TBCD: variants seen among roughly 807,000 people sequenced by gnomAD.
The protein encoded by TBCD is tubulin-specific chaperone D.
Under a neutral mutation model 169.3 loss-of-function variants are expected in TBCD, and 105 were observed. That is an observed-to-expected ratio of 0.62 (90% CI 0.53 to 0.73). The LOEUF is 0.73. Ranked by LOEUF, TBCD falls within the 30% of genes least tolerant of loss-of-function variation. The probability of loss-of-function intolerance (pLI) is 0.00; values close to 1 mark genes in which losing one functional copy is unlikely to be tolerated. For missense variants in TBCD, 1,444 were observed against 1,600.1 expected, an observed-to-expected ratio of 0.90 and a Z score of 1.66; for synonymous variants, 700 against 643.9, an observed-to-expected ratio of 1.09 and a Z score of -1.32.
At chr17:82,942,316 G>A in intron 38 of TBCD, 133 bp from the exon 39 acceptor site, 3 of 1,341,366 alleles carry the variant, frequency 2.2e-6, no homozygotes, top group Non-Finnish European at 3.1e-6. Flanking sequence ...CGGGTGTGTG[G>A]GAAACGGCAC....
chr17:82,779,036 G>A (rs893043423), intron 6 of TBCD, among the ~76,000 whole-genome samples: 9 of 148,380 alleles, frequency 6.1e-5, no homozygotes, highest in East Asian at 2.0e-4. Context: ...TTATTTTTAC[G>A]GGGTCTTGCT....
rs1464023088 is a variant in TBCD at position 82,789,497 on chromosome 17, C to A, written c.771+7776C>A. On this transcript the variant is annotated intron_variant, in intron 7 of 38. Coordinates refer to ENST00000355528, the MANE Select transcript of TBCD (RefSeq NM_005993.5). This position sits in a 1 kb window ranked among gnomAD's most constrained non-coding sequence, Gnocchi z 4.8. ...AGGAAGAGACAGGCAGAGAGCTGGG[C>A]TGGGCTGCTGCTGAGTGGGCTAGAG... Among the ~76,000 whole-genome samples the A allele has an allele frequency of 6.6e-6, 1 of 152,222 alleles. No homozygotes were observed. The highest frequency in any genetic ancestry group is 2.4e-5 in the African/African-American group (1 of 41,466).
At chr17:82,908,364 G>A (rs781285691) in intron 21 of TBCD, 13 of 456,548 alleles carry the variant, frequency 2.8e-5, no homozygotes, top group East Asian at 6.9e-5. Flanking sequence ...TGCGTCTGTC[G>A]GATTTCTCTG....
intron 13 of TBCD, among the ~76,000 whole-genome samples, chr17:82,822,263 G>A (rs1036536977): frequency 1.3e-5 from 2 of 152,248 alleles, no homozygotes; most frequent in African/African-American, 4.8e-5. Context: ...TTTGGAGGGA[G>A]ATTCAGACAT....
chr17:82,791,684 T>C (rs2049740510), intron 7 of TBCD, among the ~76,000 whole-genome samples: 1 of 152,242 alleles, frequency 6.6e-6, no homozygotes, highest in South Asian at 2.1e-4. Context: ...TGGCTGTTTA[T>C]GGCTGTGAGG....
At chr17:82,907,945 C>G in intron 21 of TBCD, 124 bp downstream of exon 21, 1 of 1,001,272 alleles carries the variant, frequency 1.0e-6, no homozygotes, top group Non-Finnish European at 1.5e-6. Flanking sequence ...CAGTCCTGGG[C>G]TCAGTGGGGG....
intron 9 of TBCD, among the ~76,000 whole-genome samples, chr17:82,802,770 T>G (rs1181425516): frequency 8.6e-6 from 1 of 115,938 alleles, no homozygotes; most frequent in African/African-American, 4.0e-5. Flanking sequence ...GTCTACAGAT[T>G]CACATGCTGG....
At chr17:82,837,090 C>T (rs1444059389) in intron 13 of TBCD, among the ~76,000 whole-genome samples, 1 of 152,154 alleles carries the variant, frequency 6.6e-6, no homozygotes, top group African/African-American at 2.4e-5. Flanking sequence ...AGTTGTAAGC[C>T]GGGCGTAGGT....
intron 14 of TBCD, among the ~76,000 whole-genome samples, chr17:82,875,746 C>T (rs1474489102): frequency 6.6e-6 from 1 of 152,218 alleles, no homozygotes; most frequent in Non-Finnish European, 1.5e-5. Context: ...GGCACAGCTT[C>T]CAGGGGAAGA....
At chr17:82,785,908 G>A (rs1598484080) in intron 7 of TBCD, among the ~76,000 whole-genome samples, 1 of 150,520 alleles carries the variant, frequency 6.6e-6, no homozygotes, top group East Asian at 2.0e-4. Flanking sequence ...CGCAGTGGGA[G>A]GGGGTCCATG....
At chr17:82,913,398 G>A (rs995178872) in intron 23 of TBCD, 2 of 152,284 alleles carry the variant, frequency 1.3e-5, no homozygotes, top group Non-Finnish European at 2.9e-5. Flanking sequence ...ACCATGAAAG[G>A]GGGGAGTTAA....
chr17:82,909,344 C>T, intron 22 of TBCD, 37 bp downstream of exon 22: 1 of 1,503,400 alleles, frequency 6.7e-7, no homozygotes, highest in Non-Finnish European at 9.0e-7. Flanking sequence ...ATATCTGTGT[C>T]CTAATGAAGA....
chr17:82,830,596 C>G, intron 13 of TBCD: 1 of 1,614,020 alleles, frequency 6.2e-7, no homozygotes, highest in South Asian at 1.1e-5. Context: ...TTCTGCAGCT[C>G]GTGGTCGACC....
At chr17:82,816,898 C>T (rs2051962751) in intron 13 of TBCD, among the ~76,000 whole-genome samples, 1 of 150,378 alleles carries the variant, frequency 6.6e-6, no homozygotes, top group Non-Finnish European at 1.5e-5. Context: ...GAAGCGCCAC[C>T]TTGTTTTGCT....
In TBCD at chr17:82,800,993, GGAGGTAGGCACCAT is replaced by G. The variant is rs2050467125; in HGVS notation, c.950+2_950+15del. On this transcript the variant is annotated splice_donor_variant and splice_donor_5th_base_variant and coding_sequence_variant and intron_variant, in exon 9 of 39. Transcript: ENST00000355528. LOFTEE classifies it high-confidence loss of function. ...TTCCTGAAGCCGAAGGTGGCAGCATGGAGGTAGGCACCATGAGGGCGGTGCCTGGGGAGGGCCAC... is the reference window on the plus strand; with the variant it reads ...TTCCTGAAGCCGAAGGTGGCAGCATGGAGGGCGGTGCCTGGGGAGGGCCAC... 6.2e-7 allele frequency: 1 copy of G among 1,608,220 alleles called. No individual in the cohort carries two copies. The highest frequency in any genetic ancestry group is 2.3e-5 in the East Asian group (1 of 44,244).
intron 2 of TBCD, among the ~76,000 whole-genome samples, chr17:82,762,569 T>G (rs982404922): frequency 4.0e-5 from 6 of 151,802 alleles, no homozygotes; most frequent in Admixed American, 3.9e-4. Context: ...GGCAACATGG[T>G]AAAACCCCAT....
rs2053305245 is a variant in TBCD, at chr17:82,829,733, C to A, written c.1318+14799C>A. 4 of 191,950 alleles carry A rather than the reference C, an allele frequency of 2.1e-5. No individual in the cohort carries two copies. In the South Asian group the frequency reaches 4.0e-4, roughly 19 times the overall value. 11.9% of individuals were successfully genotyped at this position (191,950 alleles called of 1,614,324 possible). On this transcript the variant is annotated intron_variant, in intron 13 of 38. Coordinates refer to ENST00000355528, the MANE Select transcript of TBCD (RefSeq NM_005993.5). The stretch of plus-strand genomic sequence containing the variant: ...TACATATGGCACTTTAATGTTAGTA[C>A]TGAAAATGTTTTTTCTGACATTTTT...
chr17:82,915,212 C>T lies in TBCD; in HGVS notation c.2038+3423C>T, dbSNP rs1315640533. 1.3e-5 allele frequency among the ~76,000 whole-genome samples: 2 copies of T among 152,140 alleles called. No homozygotes were observed. The highest frequency in any genetic ancestry group is 2.9e-5 in the Non-Finnish European group (2 of 68,020). On this transcript the variant is annotated intron_variant, in intron 23 of 38. Coordinates refer to ENST00000355528, the MANE Select transcript of TBCD (RefSeq NM_005993.5). This position sits in a 1 kb window ranked among gnomAD's most constrained non-coding sequence, Gnocchi z 4.3. ...CTTACCCCCGAGGACGCCGGCATGT[C>T]GGTGACATGCCGCCCGCAGGAGCAT...
At chr17:82,886,820 C>T (rs2058747402) in intron 15 of TBCD, among the ~76,000 whole-genome samples, 1 of 150,438 alleles carries the variant, frequency 6.6e-6, no homozygotes, top group Non-Finnish European at 1.5e-5. Context: ...CAGGCGTGCA[C>T]CACCATGCCC....
Sources: allele counts gnomAD v4.1 joint callset (sites outside exome capture counted in the v4.1 genomes callset), GRCh38; gene constraint gnomAD v4.1.1; non-coding constraint Gnocchi (gnomAD v3.1); transcripts MANE v1.5; gene names NCBI Gene and HGNC (gene_info 2026-07-23, HGNC 2026-07-21).